The following SEMA5B variants were observed in gnomAD, a reference collection of about 807,000 sequenced individuals.
SEMA5B encodes semaphorin-5B.
Under a neutral mutation model 135.0 loss-of-function variants are expected in SEMA5B, and 66 were observed. The ratio of observed to expected loss-of-function variants is 0.49; its 90% CI spans 0.40 to 0.60. The LOEUF is 0.60. Among genes scored for constraint, SEMA5B ranks in the 20% least tolerant of loss-of-function variants. The probability of loss-of-function intolerance (pLI) is 0.00; values close to 1 mark genes in which losing one functional copy is unlikely to be tolerated. For synonymous variants in SEMA5B, 690 were observed against 639.5 expected, an observed-to-expected ratio of 1.08 and a Z score of -1.19; for missense variants, 1,501 against 1,566.3, an observed-to-expected ratio of 0.96 and a Z score of 0.70.
chr3:122,968,791 C>A (rs1940990873), intron 1 of SEMA5B, among the ~76,000 whole-genome samples: 1 of 151,738 alleles, frequency 6.6e-6, no homozygotes, highest in African/African-American at 2.4e-5. Flanking sequence ...ACTGTCAGGA[C>A]ATTCTTACAT....
intron 1 of SEMA5B, among the ~76,000 whole-genome samples, chr3:123,024,827 T>G (rs1285899589): frequency 6.6e-6 from 1 of 152,200 alleles, no homozygotes; most frequent in East Asian, 1.9e-4. Context: ...TTAAAGGCTG[T>G]TAATTGATTT....
At chr3:122,911,319 G>C in intron 21 of SEMA5B, 172 bp downstream of exon 21, 1 of 1,478,488 alleles carries the variant, frequency 6.8e-7, no homozygotes, top group East Asian at 2.5e-5. Context: ...CCTCCTAGCT[G>C]GGGGGGGCAT....
At chr3:122,972,267 T>C (rs1941151694) in intron 1 of SEMA5B, among the ~76,000 whole-genome samples, 5 of 152,198 alleles carry the variant, frequency 3.3e-5, no homozygotes, top group Admixed American at 3.3e-4. Context: ...AACAGACTTT[T>C]TGGAGTCAGG....
rs778061712 is a variant in SEMA5B at position 122,913,287 on chromosome 3, A to G, written c.2418T>C (p.Leu806=). The change falls in exon 17 of 23, where the codon CTT becomes CTC. Residue 806 remains leucine, a synonymous_variant. Coordinates refer to ENST00000357599, the MANE Select transcript of SEMA5B (RefSeq NM_001031702.4). ...QRFRFTCRAP[L]ADPHGLQFGR... ...CGAACTGCAGGCCGTGCGGGTCTGC[A>G]AGGGGCGCGCGGCAGGTGAAGCGGA... is the stretch of plus-strand genomic sequence containing the variant. 69 of 1,583,196 alleles carry G rather than the reference A, an allele frequency of 4.4e-5. 1 individual carries two copies. The South Asian group carries it at 7.6e-4, about 17-fold the overall frequency.
At chr3:122,921,132 C>G (rs190447735) in intron 12 of SEMA5B, among the ~76,000 whole-genome samples, 2 of 152,200 alleles carry the variant, frequency 1.3e-5, no homozygotes, top group African/African-American at 4.8e-5. Flanking sequence ...ATCTTGAGGA[C>G]AGATGGCACA....
intron 1 of SEMA5B, among the ~76,000 whole-genome samples, chr3:123,020,026 C>G (rs1942642143): frequency 6.6e-6 from 1 of 152,188 alleles, no homozygotes; most frequent in Non-Finnish European, 1.5e-5. Flanking sequence ...TGTAGGAAGT[C>G]AGTCAAAAAC....
intron 2 of SEMA5B, among the ~76,000 whole-genome samples, chr3:122,956,877 G>A (rs930670585): frequency 6.6e-6 from 1 of 152,190 alleles, no homozygotes; most frequent in African/African-American, 2.4e-5. Context: ...GTGACGGGCT[G>A]CAGTCAGGCG....
rs1217756208 is a variant in SEMA5B at position 122,915,519 on chromosome 3, G to A, written c.1909C>T (p.Arg637Ter). The A allele has an allele frequency of 1.9e-6, 3 of 1,613,920 alleles. No individual in the cohort carries two copies. The highest frequency in any genetic ancestry group is 2.5e-6 in the Non-Finnish European group (3 of 1,180,012). ...CGGGGTCGAGGGGAATCACAGGATC[G>A]AGCTCGACACAGGCAAGAGCCTGAG... ...DNSGSCLCRA[R>*]SCDSPRPRCG... The change falls in exon 14 of 23, where the codon CGA becomes TGA. Residue 637 changes from arginine to a stop codon, truncating the protein, a stop_gained. Coordinates refer to ENST00000357599, the MANE Select transcript of SEMA5B (RefSeq NM_001031702.4). LOFTEE classifies it high-confidence loss of function.
At chr3:122,976,003 G>A (rs749725058) in intron 1 of SEMA5B, 22 of 1,534,410 alleles carry the variant, frequency 1.4e-5, no homozygotes, top group African/African-American at 2.8e-5. Flanking sequence ...TGCCCACCTC[G>A]ATCCCTTCGC....
At chr3:123,022,911 G>T (rs1942720292) in intron 1 of SEMA5B, among the ~76,000 whole-genome samples, 2 of 152,190 alleles carry the variant, frequency 1.3e-5, no homozygotes, top group Non-Finnish European at 1.5e-5. Flanking sequence ...TAGCATTCAA[G>T]CTGGTTATAA....
At chr3:123,015,015 C>A (rs1211442352) in intron 1 of SEMA5B, among the ~76,000 whole-genome samples, 1 of 152,068 alleles carries the variant, frequency 6.6e-6, no homozygotes, top group East Asian at 1.9e-4. Flanking sequence ...GAACATGTTG[C>A]AAAGATGAAG....
At chr3:122,948,732 C>T (rs1939917058) in intron 2 of SEMA5B, 23 bp from the exon 3 acceptor site, 1 of 1,560,574 alleles carries the variant, frequency 6.4e-7, no homozygotes, top group Non-Finnish European at 8.7e-7. Context: ...CACTCAGTCT[C>T]ACCAAGCGCT....
chr3:122,950,788 T>G (rs1940011693), intron 2 of SEMA5B, among the ~76,000 whole-genome samples: 1 of 152,240 alleles, frequency 6.6e-6, no homozygotes, highest in East Asian at 1.9e-4. Context: ...CGAATGAGAT[T>G]GTTCATTGTG....
chr3:122,953,345 C>T (rs376197220), intron 2 of SEMA5B, among the ~76,000 whole-genome samples: 7 of 152,248 alleles, frequency 4.6e-5, no homozygotes, highest in South Asian at 4.1e-4. Flanking sequence ...TCCAGGGGCC[C>T]GAATTAGGAG....
chr3:122,944,098 A>T (rs1374815205), intron 3 of SEMA5B, among the ~76,000 whole-genome samples: 2 of 152,186 alleles, frequency 1.3e-5, no homozygotes, highest in Admixed American at 6.5e-5. Context: ...CCCCAGGAAA[A>T]GTCCAACTCC....
intron 1 of SEMA5B, among the ~76,000 whole-genome samples, chr3:123,020,706 C>A (rs78274901): frequency 6.6e-6 from 1 of 152,202 alleles, no homozygotes; most frequent in East Asian, 1.9e-4. Flanking sequence ...AGTGCCCAGG[C>A]TCCCCCCGCA....
intron 10 of SEMA5B, 55 bp from the exon 11 acceptor site, chr3:122,922,502 C>T: frequency 6.7e-7 from 1 of 1,492,966 alleles, no homozygotes; most frequent in South Asian, 1.2e-5. Context: ...GCCGCCATCC[C>T]CCGCCGGCTC....
intron 1 of SEMA5B, among the ~76,000 whole-genome samples, chr3:122,979,315 A>G (rs1447456150): frequency 2.0e-5 from 3 of 152,228 alleles, no homozygotes; most frequent in Non-Finnish European, 4.4e-5. Context: ...GTCTCCAGGA[A>G]GAAATGGTTT....
At chr3:122,984,745 A>T (rs968662089) in intron 1 of SEMA5B, among the ~76,000 whole-genome samples, 9 of 152,212 alleles carry the variant, frequency 5.9e-5, no homozygotes, top group Non-Finnish European at 1.0e-4. Flanking sequence ...AATTGAAAAA[A>T]AGTTCTACTT....
Sources: gnomAD v4.1 joint callset for allele counts (sites outside exome capture counted in the v4.1 genomes callset) on GRCh38, gnomAD v4.1.1 for gene constraint, MANE v1.5 for transcripts, NCBI Gene and HGNC (gene_info 2026-07-23, HGNC 2026-07-21) for gene names.